SHPRH: variants seen among roughly 807,000 people sequenced by gnomAD.
SHPRH encodes the protein SNF2 histone linker PHD RING helicase, also known as E3 ubiquitin-protein ligase SHPRH.
Under a neutral mutation model 202.5 loss-of-function variants are expected in SHPRH, and 106 were observed. That is an observed-to-expected ratio of 0.52 (90% CI 0.45 to 0.62). The LOEUF (loss-of-function observed/expected upper bound fraction) is 0.62. Among genes scored for constraint, SHPRH ranks in the 20% least tolerant of loss-of-function variants. The pLI, the probability that SHPRH is intolerant of heterozygous loss-of-function variation, is 0.00. For synonymous variants in SHPRH, 729 were observed against 686.0 expected, an observed-to-expected ratio of 1.06 and a Z score of -0.98; for missense variants, 1,710 against 2,020.0, an observed-to-expected ratio of 0.85 and a Z score of 2.94.
At chr6:145,934,405 G>T (rs1023966603) in intron 13 of SHPRH, among the ~76,000 whole-genome samples, 8 of 132,482 alleles carry the variant, frequency 6.0e-5, no homozygotes, top group African/African-American at 2.1e-4. Context: ...GGCAGAGATT[G>T]CAGTGAGCTG....
chr6:145,874,317 C>G (rs982605982), intron 2 of SHPRH, among the ~76,000 whole-genome samples: 3 of 151,966 alleles, frequency 2.0e-5, no homozygotes, highest in Admixed American at 1.3e-4. Context: ...TACACCGTAT[C>G]AAAACTTTAC....
chr6:145,959,621 C>T (rs1376991392), intron 1 of SHPRH, among the ~76,000 whole-genome samples: 1 of 152,214 alleles, frequency 6.6e-6, no homozygotes, highest in African/African-American at 2.4e-5. Flanking sequence ...AAACTCAGCT[C>T]TTCAGTCTCA....
At chr6:145,899,174 A>C (rs1782277252) in intron 25 of SHPRH, among the ~76,000 whole-genome samples, 1 of 152,176 alleles carries the variant, frequency 6.6e-6, no homozygotes, top group Admixed American at 6.5e-5. Flanking sequence ...AACATAAAAC[A>C]GACAAAGAAA....
chr6:145,862,061 G>A (rs940446329), downstream of SHPRH, among the ~76,000 whole-genome samples: 4 of 152,150 alleles, frequency 2.6e-5, no homozygotes, highest in Non-Finnish European at 5.9e-5. Context: ...TATGTAGGAT[G>A]AGTAGATTTT....
intron 2 of SHPRH, among the ~76,000 whole-genome samples, chr6:145,875,413 G>A (rs1373357307): frequency 6.6e-6 from 1 of 152,160 alleles, no homozygotes; most frequent in Non-Finnish European, 1.5e-5. Context: ...TCTTGACTTA[G>A]GCCATAGCCG....
At chr6:145,872,833 A>G (rs1002624372) in intron 2 of SHPRH, among the ~76,000 whole-genome samples, 1 of 152,234 alleles carries the variant, frequency 6.6e-6, no homozygotes, top group Admixed American at 6.5e-5. Context: ...TACATATACA[A>G]CATGGAATAC....
chr6:145,950,812 C>A (rs1787898704), intron 3 of SHPRH, among the ~76,000 whole-genome samples: 1 of 152,026 alleles, frequency 6.6e-6, no homozygotes, highest in African/African-American at 2.4e-5. Flanking sequence ...CCCAGGGTAA[C>A]AAAGGCAAAG....
chr6:145,934,819 G>C, intron 13 of SHPRH, 88 bp downstream of exon 13: 1 of 1,314,954 alleles, frequency 7.6e-7, no homozygotes. Flanking sequence ...TGACAACTCA[G>C]TTACATGTCT....
intron 2 of SHPRH, among the ~76,000 whole-genome samples, chr6:145,874,044 C>T (rs1780184818): frequency 6.6e-6 from 1 of 151,760 alleles, no homozygotes; most frequent in Admixed American, 6.6e-5. Flanking sequence ...ATTAAAAATA[C>T]AAAATTAGCG....
intron 25 of SHPRH, among the ~76,000 whole-genome samples, chr6:145,901,408 C>A (rs1029292524): frequency 2.0e-5 from 3 of 151,832 alleles, no homozygotes; most frequent in African/African-American, 4.8e-5. Flanking sequence ...CTATAGAAAG[C>A]AAATATTCAC....
chr6:145,920,748 A>G (rs1272403330), intron 21 of SHPRH, among the ~76,000 whole-genome samples: 2 of 152,096 alleles, frequency 1.3e-5, no homozygotes, highest in East Asian at 3.9e-4. Flanking sequence ...GGCTTTATTT[A>G]TTGGAATGGT....
At chr6:145,951,240 G>A (rs1787943059) in intron 3 of SHPRH, among the ~76,000 whole-genome samples, 1 of 152,010 alleles carries the variant, frequency 6.6e-6, no homozygotes, top group African/African-American at 2.4e-5. Context: ...TCAGCTAATG[G>A]TTCTTTATTA....
intron 2 of SHPRH, among the ~76,000 whole-genome samples, chr6:145,873,040 G>A (rs570319393): frequency 1.3e-5 from 2 of 152,310 alleles, no homozygotes; most frequent in African/African-American, 2.4e-5. Flanking sequence ...TTGGAGAGTA[G>A]GGAGAGGATC....
At chr6:145,949,444 C>A (rs913622671) in intron 4 of SHPRH, among the ~76,000 whole-genome samples, 1 of 151,984 alleles carries the variant, frequency 6.6e-6, no homozygotes, top group African/African-American at 2.4e-5. Flanking sequence ...CAGCAACTTG[C>A]ATGAAAATGG....
At position 145,922,677 on chromosome 6, in the gene SHPRH, TCTGG is replaced by T; in HGVS notation, c.3701_3704del (p.Ala1234AspfsTer38). 2 of 1,605,996 alleles carry T rather than the reference TCTGG, an allele frequency of 1.2e-6. No homozygotes were observed. The highest frequency in any genetic ancestry group is 1.7e-6 in the Non-Finnish European group (2 of 1,176,724). On this transcript the variant is annotated frameshift_variant, in exon 19 of 30. Coordinates refer to ENST00000275233, the MANE Select transcript of SHPRH (RefSeq NM_001042683.3). LOFTEE classifies it high-confidence loss of function. The stretch of plus-strand genomic sequence containing the variant: ...CTATTACCTACCAGTTGAGAGGAAG[TCTGG>T]CTGGTCGGAGGTGACAGACTGTTGC...
chr6:145,916,686 G>A (rs914277110), intron 23 of SHPRH, among the ~76,000 whole-genome samples: 23 of 151,972 alleles, frequency 1.5e-4, no homozygotes, highest in Non-Finnish European at 2.2e-4. Flanking sequence ...AAACAATGAC[G>A]TACAAGATAA....
chr6:145,874,225 A>AATAATG (rs1780198035), intron 2 of SHPRH, among the ~76,000 whole-genome samples: 1 of 150,458 alleles, frequency 6.6e-6, no homozygotes, highest in African/African-American at 2.4e-5. Flanking sequence ...TAATAATAAT[A>AATAATG]ATAATAATAA....
At chr6:145,910,073 C>T (rs1783354314) in intron 25 of SHPRH, 1 of 160,988 alleles carries the variant, frequency 6.2e-6, no homozygotes, top group Non-Finnish European at 1.4e-5. Context: ...TCCTTTTTTC[C>T]TTACATTCAG....
intron 10 of SHPRH, among the ~76,000 whole-genome samples, chr6:145,941,158 G>C (rs1344706928): frequency 6.6e-6 from 1 of 152,104 alleles, no homozygotes; most frequent in Non-Finnish European, 1.5e-5. Context: ...TTACAGACTG[G>C]CCAAAGACAA....
Sources: gnomAD v4.1 joint callset for allele counts (sites outside exome capture counted in the v4.1 genomes callset) on GRCh38, gnomAD v4.1.1 for gene constraint, MANE v1.5 for transcripts, NCBI Gene and HGNC (gene_info 2026-07-23, HGNC 2026-07-21) for gene names.